Variants in SMAD2 observed in about 807,000 individuals in gnomAD.
SMAD2 encodes the protein SMAD family member 2.
In SMAD2, 8 loss-of-function variants were observed where a neutral mutation model predicts 64.4. That is an observed-to-expected ratio of 0.12 (90% CI 0.07 to 0.22). The LOEUF is 0.22. Among genes scored for constraint, SMAD2 ranks in the 10% least tolerant of loss-of-function variants. SMAD2 has a pLI of 1.00. For missense variants in SMAD2, 289 were observed against 561.2 expected, an observed-to-expected ratio of 0.51 and a Z score of 4.90; for synonymous variants, 203 against 195.8, an observed-to-expected ratio of 1.04 and a Z score of -0.31.
chr18:47,844,148 T>TA, intron 10 of SMAD2, among the ~76,000 whole-genome samples: 1 of 152,234 alleles, frequency 6.6e-6, no homozygotes, highest in South Asian at 2.1e-4. Flanking sequence ...ATTCTACCAA[T>TA]ATAACTCAGA....
At chr18:47,850,279 T>C (rs1383079326) in intron 7 of SMAD2, among the ~76,000 whole-genome samples, 5 of 68,206 alleles carry the variant, frequency 7.3e-5, no homozygotes, top group Admixed American at 6.0e-4. Context: ...TATTATATAT[T>C]ATATATATTA....
chr18:47,873,349 C>T (rs2032060065), intron 2 of SMAD2, among the ~76,000 whole-genome samples: 2 of 151,954 alleles, frequency 1.3e-5, no homozygotes, highest in South Asian at 4.1e-4. Flanking sequence ...AACATACGTC[C>T]CTACACAGGA....
intron 1 of SMAD2, among the ~76,000 whole-genome samples, chr18:47,923,086 C>G (rs1240052296): frequency 6.7e-6 from 1 of 149,264 alleles, no homozygotes; most frequent in African/African-American, 2.5e-5. Flanking sequence ...AGTTATATTC[C>G]TATCACCTAT....
At position 47,813,127 on chromosome 18, in the gene SMAD2, A is replaced by T. The variant is rs940445300; in HGVS notation, c.*28700T>A. 1 of 152,168 alleles carries T rather than the reference A, an allele frequency of 6.6e-6. No homozygotes were observed. Among genetic ancestry groups the T allele is most frequent in the Non-Finnish European group, 1.5e-5 (1 of 68,062 alleles). 9.4% of individuals were successfully genotyped at this position (152,168 alleles called of 1,614,324 possible). A position where few individuals can be genotyped will look rare whatever the true frequency, so the allele number is the denominator to read the frequency against. On this transcript the variant is annotated 3_prime_UTR_variant, in exon 11 of 11. Transcript: ENST00000262160. Reference sequence around the variant, plus strand: ...GCTACTCAAGAGGCTGAGGCAGAAGAATTGCTTGAATCCAGGAGGCAGAGG... The same window carrying T: ...GCTACTCAAGAGGCTGAGGCAGAAGTATTGCTTGAATCCAGGAGGCAGAGG...
intron 2 of SMAD2, among the ~76,000 whole-genome samples, chr18:47,882,911 G>T (rs1473850141): frequency 6.6e-6 from 1 of 152,036 alleles, no homozygotes; most frequent in Non-Finnish European, 1.5e-5. Context: ...TATAATATTT[G>T]CTTATAATCT....
intron 1 of SMAD2, among the ~76,000 whole-genome samples, chr18:47,899,845 C>T (rs774492821): frequency 5.3e-5 from 8 of 152,152 alleles, no homozygotes; most frequent in Non-Finnish European, 1.0e-4. Context: ...TGTCACCCTA[C>T]TACTAAAAAT....
chr18:47,850,824 TTA>T lies in SMAD2; in HGVS notation c.784+448_784+449del, dbSNP rs1407960841. Reference sequence around the variant, plus strand: ...TATATTATGTATAATATATTATATATTATATATATTATGTATATTATATATTA... The same window carrying T: ...TATATTATGTATAATATATTATATATTATATATTATGTATATTATATATTA... On this transcript the variant is annotated intron_variant, in intron 7 of 10. Transcript: ENST00000262160. Among the ~76,000 whole-genome samples the T allele has an allele frequency of 4.5e-4, 14 of 30,804 alleles. 2 individuals carry two copies. Among genetic ancestry groups the T allele is most frequent in the African/African-American group, 2.6e-3 (14 of 5,480 alleles). 20.2% of individuals were successfully genotyped at this position (30,804 alleles called of 152,430 possible).
intron 1 of SMAD2, among the ~76,000 whole-genome samples, chr18:47,906,219 G>A (rs1161587512): frequency 2.0e-5 from 3 of 151,910 alleles, no homozygotes; most frequent in Admixed American, 6.6e-5. Flanking sequence ...AACTTCTTGA[G>A]TACCAACATG....
chr18:47,908,896 T>C (rs772633601), intron 1 of SMAD2, among the ~76,000 whole-genome samples: 9 of 152,158 alleles, frequency 5.9e-5, no homozygotes, highest in Non-Finnish European at 1.2e-4. Context: ...ACTAATACCA[T>C]GAGATCCATA....
intron 6 of SMAD2, among the ~76,000 whole-genome samples, chr18:47,860,934 G>T (rs1258517525): frequency 6.6e-6 from 1 of 152,030 alleles, no homozygotes; most frequent in Non-Finnish European, 1.5e-5. Flanking sequence ...ACTTAAAGGG[G>T]GAATTGTGAA....
chr18:47,854,142 T>G (rs889677596), intron 6 of SMAD2, among the ~76,000 whole-genome samples: 1 of 151,750 alleles, frequency 6.6e-6, no homozygotes, highest in African/African-American at 2.4e-5. Flanking sequence ...GAATTATTCA[T>G]ACATAAATGC....
chr18:47,881,784 A>C (rs8097781), intron 2 of SMAD2, among the ~76,000 whole-genome samples: 4,256 of 152,298 alleles, frequency 0.028, 197 homozygotes, highest in African/African-American at 0.097. Flanking sequence ...CTTATCATGA[A>C]TGGATGATGA....
In SMAD2 at chr18:47,841,896, A is replaced by T. The variant is rs377071631; in HGVS notation, c.1335T>A (p.Pro445=). 1 of 1,613,936 alleles carries T rather than the reference A, an allele frequency of 6.2e-7. No homozygotes were observed. Among genetic ancestry groups the T allele is most frequent in the Non-Finnish European group, 8.5e-7 (1 of 1,179,922 alleles). Residue 445 remains proline, a synonymous_variant, in exon 11 of 11, where the codon CCT becomes CCA. Coordinates refer to ENST00000262160, the MANE Select transcript of SMAD2 (RefSeq NM_005901.6). ...PCWIELHLNG[P]LQWLDKVLTQ... is the part of the protein sequence containing the mutation. ...TTAATACTTTGTCCAACCACTGTAGAGGTCCATTCAGATGAAGTTCAATCC... is the reference window on the plus strand; with the variant it reads ...TTAATACTTTGTCCAACCACTGTAGTGGTCCATTCAGATGAAGTTCAATCC...
rs79508841 is a variant in SMAD2, at chr18:47,926,227, A to C, written c.-54+4134T>G. 8.2e-3 allele frequency among the ~76,000 whole-genome samples: 1,243 copies of C among 152,348 alleles called. 21 individuals carry two copies. The highest frequency in any genetic ancestry group is 0.028 in the African/African-American group (1,161 of 41,578). On this transcript the variant is annotated intron_variant, in intron 1 of 10. Transcript: ENST00000262160. Reference sequence around the variant, plus strand: ...TGAAATAAGCCATAAGCTATAGCACAATCTTCAACCCCTTTAAGAACATTT... The same window carrying C: ...TGAAATAAGCCATAAGCTATAGCACCATCTTCAACCCCTTTAAGAACATTT...
At position 47,865,099 on chromosome 18, in the gene SMAD2, T is replaced by A. The variant is rs2031462495; in HGVS notation, c.690A>T (p.Gly230=). ...GATTCAACTGTTGGTCACTTGTTTCTCCATCTTCACTGATATATCCAGGAG... is the reference window on the plus strand; with the variant it reads ...GATTCAACTGTTGGTCACTTGTTTCACCATCTTCACTGATATATCCAGGAG... ...TPPPGYISED[G]ETSDQQLNQS... Residue 230 remains glycine (G), a synonymous_variant, in exon 6 of 11, where the codon GGA becomes GGT. Coordinates refer to ENST00000262160, the MANE Select transcript of SMAD2 (RefSeq NM_005901.6). 6.2e-7 allele frequency: 1 copy of A among 1,610,876 alleles called. No homozygotes were observed. The highest frequency in any genetic ancestry group is 8.5e-7 in the Non-Finnish European group (1 of 1,177,520).
Position 47,860,304 on chromosome 18 carries a change from C to T in SMAD2, c.730+4755G>A, listed in dbSNP as rs751097762. Among the ~76,000 whole-genome samples, 94 of 152,128 alleles carry T rather than the reference C, an allele frequency of 6.2e-4. 1 individual carries two copies. The highest frequency in any genetic ancestry group is 2.0e-3 in the African/African-American group (82 of 41,508). On this transcript the variant is annotated intron_variant, in intron 6 of 10. Transcript: ENST00000262160. ...AAACTTTGTTTTGAATACAAGGTCT[C>T]GCTGTTGCCCAGGCTGGAGTGCAGC...
chr18:47,842,739 G>A (rs1015906569), intron 10 of SMAD2, among the ~76,000 whole-genome samples: 1 of 152,164 alleles, frequency 6.6e-6, no homozygotes, highest in African/African-American at 2.4e-5. Context: ...CACAGAGAGT[G>A]TTAAAAGCTG....
At chr18:47,913,055 G>T (rs1273180341) in intron 1 of SMAD2, among the ~76,000 whole-genome samples, 1 of 152,040 alleles carries the variant, frequency 6.6e-6, no homozygotes, top group Non-Finnish European at 1.5e-5. Context: ...GAGTAGCTGG[G>T]ATTACAGGCA....
At chr18:47,901,970 T>C (rs887408796) in intron 1 of SMAD2, among the ~76,000 whole-genome samples, 1 of 152,190 alleles carries the variant, frequency 6.6e-6, no homozygotes, top group Non-Finnish European at 1.5e-5. Context: ...CTCTCACCTA[T>C]TGTTCTCAAG....
Sources: allele counts gnomAD v4.1 joint callset (sites outside exome capture counted in the v4.1 genomes callset), GRCh38; gene constraint gnomAD v4.1.1; transcripts MANE v1.5; gene names NCBI Gene and HGNC (gene_info 2026-07-23, HGNC 2026-07-21).